The following GRHL2 variants were observed in gnomAD, a reference collection of about 807,000 sequenced individuals.
GRHL2 encodes the protein grainyhead-like protein 2 homolog.
In GRHL2, 21 loss-of-function variants were observed where a neutral mutation model predicts 83.8. The observed-to-expected ratio is 0.25, with a 90% CI of 0.18 to 0.36. GRHL2 has a LOEUF of 0.36. Among genes scored for constraint, GRHL2 ranks in the 10% least tolerant of loss-of-function variants. GRHL2 has a pLI of 1.00. For missense variants in GRHL2, 623 were observed against 781.8 expected (o/e 0.80, Z 2.42); for synonymous variants, 280 against 278.9 (o/e 1.00, Z -0.04).
At chr8:101,559,507 G>A (rs767254064) in intron 4 of GRHL2, among the ~76,000 whole-genome samples, 2 of 152,144 alleles carry the variant, frequency 1.3e-5, no homozygotes, top group Admixed American at 6.5e-5. Flanking sequence ...TCCAGCCTGG[G>A]TGACAAGAAC....
intron 5 of GRHL2, among the ~76,000 whole-genome samples, chr8:101,571,759 C>T (rs1318407247): frequency 6.6e-6 from 1 of 152,164 alleles, no homozygotes; most frequent in Non-Finnish European, 1.5e-5. Flanking sequence ...GCTCCCCACT[C>T]ATCCTCCCCA....
chr8:101,664,471 G>A lies in GRHL2; in HGVS notation c.1716G>A (p.Gly572=). 1 of 1,613,602 alleles carries A rather than the reference G, an allele frequency of 6.2e-7. No homozygotes were observed. Among genetic ancestry groups the A allele is most frequent in the Non-Finnish European group, 8.5e-7 (1 of 1,179,606 alleles). ...GLMEAISEKY[G]LPVEKIAKLY... ...TATTACAGATATCTGAGAAATATGG[G>A]CTGCCCGTGGAGAAGATAGCAAAGC... Residue 572 remains glycine, a synonymous_variant, in exon 15 of 16, where the codon GGG becomes GGA. Coordinates refer to ENST00000646743, the MANE Select transcript of GRHL2 (RefSeq NM_024915.4).
In GRHL2 at chr8:101,543,230, T is replaced by C. The variant is rs1211242979; in HGVS notation, c.21-11T>C. 6.2e-7 allele frequency: 1 copy of C among 1,611,548 alleles called. No individual in the cohort carries two copies. The highest frequency in any genetic ancestry group is 8.5e-7 in the Non-Finnish European group (1 of 1,177,738). ...CTGAAAATGAACCTCACATTTCTCT[T>C]GTTTTTACAGTAATAAAAGACTAGT... On this transcript the variant is annotated splice_polypyrimidine_tract_variant and intron_variant, in intron 1 of 15. Transcript: ENST00000646743.
intron 14 of GRHL2, among the ~76,000 whole-genome samples, chr8:101,654,212 G>A (rs975305878): frequency 6.6e-6 from 1 of 152,194 alleles, no homozygotes; most frequent in East Asian, 1.9e-4. Context: ...TATGCCTTGT[G>A]TGAGTCTTGC....
At chr8:101,629,056 A>C (rs1309957357) in intron 9 of GRHL2, among the ~76,000 whole-genome samples, 1 of 152,214 alleles carries the variant, frequency 6.6e-6, no homozygotes. Flanking sequence ...GGGAGGATTG[A>C]TTCCGATTTT....
Position 101,669,637 on chromosome 8 carries a change from AG to A in GRHL2, c.*2939del, listed in dbSNP as rs1202556139. The stretch of plus-strand genomic sequence containing the variant: ...AACTTAATAGTTTTGTAAATGGGAG[AG>A]GGGGAATCTATAAACTATAAATACA... On this transcript the variant is annotated 3_prime_UTR_variant, in exon 16 of 16. Transcript: ENST00000646743. The A allele has an allele frequency of 2.6e-5, 4 of 152,220 alleles. No individual in the cohort carries two copies. The highest frequency in any genetic ancestry group is 9.7e-5 in the African/African-American group (4 of 41,292). The allele number at this position is 152,220 out of a possible 1,614,324, so 9.4% of individuals were successfully genotyped here.
intron 9 of GRHL2, among the ~76,000 whole-genome samples, chr8:101,629,709 A>C (rs1355111168): frequency 6.6e-6 from 1 of 152,126 alleles, no homozygotes; most frequent in Non-Finnish European, 1.5e-5. Flanking sequence ...ACATAGAAAA[A>C]TGCCTTACAT....
intron 6 of GRHL2, 92 bp downstream of exon 6, chr8:101,573,916 A>T: frequency 7.2e-7 from 1 of 1,382,922 alleles, no homozygotes; most frequent in Non-Finnish European, 1.0e-6. Flanking sequence ...GAAAAAAAAT[A>T]AAACCTTCAA....
intron 3 of GRHL2, among the ~76,000 whole-genome samples, chr8:101,553,863 T>C (rs981583269): frequency 5.3e-5 from 8 of 152,086 alleles, no homozygotes; most frequent in African/African-American, 1.7e-4. Context: ...CCTGACCTTG[T>C]GATCTGCCCG....
Position 101,604,391 on chromosome 8 carries a change from T to C in GRHL2, c.1098+5240T>C, listed in dbSNP as rs541275024. Reference sequence around the variant, plus strand: ...AGCAAACCCTAATTACAGGCTTCCTTTCCTCCTAGATTTCTAAGGAGAGTC... The same window carrying C: ...AGCAAACCCTAATTACAGGCTTCCTCTCCTCCTAGATTTCTAAGGAGAGTC... On this transcript the variant is annotated intron_variant, in intron 8 of 15. Transcript: ENST00000646743. Among the ~76,000 whole-genome samples, 16 of 152,246 alleles carry C rather than the reference T, an allele frequency of 1.1e-4. No homozygotes were observed. The South Asian group carries it at 3.3e-3, about 32-fold the overall frequency.
intron 2 of GRHL2, among the ~76,000 whole-genome samples, chr8:101,551,623 A>AAAAGAAAG (rs534207443): frequency 1.7e-4 from 26 of 151,332 alleles, no homozygotes; most frequent in African/African-American, 6.1e-4. Context: ...AGAGCAAAAA[A>AAAAGAAAG]AAAGAAAGAA....
intron 7 of GRHL2, 63 bp downstream of exon 7, chr8:101,577,582 G>GCTCCCCTTGGCATT: frequency 5.4e-6 from 6 of 1,103,300 alleles, no homozygotes; most frequent in Non-Finnish European, 6.9e-6. Context: ...TCAATGCCAA[G>GCTCCCCTTGGCATT]GGGAGCCTGG....
At chr8:101,500,100 CAAG>C (rs1810193161) in intron 1 of GRHL2, among the ~76,000 whole-genome samples, 1 of 151,912 alleles carries the variant, frequency 6.6e-6, no homozygotes, top group Non-Finnish European at 1.5e-5. Flanking sequence ...ACCAACCAAA[CAAG>C]AAATAAAAAC....
rs745333423 is a variant in GRHL2, at chr8:101,567,247, C to G, written c.679-3092C>G. Among the ~76,000 whole-genome samples, 112 of 152,208 alleles carry G rather than the reference C, an allele frequency of 7.4e-4. 1 individual carries two copies. The highest frequency in any genetic ancestry group is 6.0e-4 in the Non-Finnish European group (41 of 68,000). ...ATCTATCAAGTATATGTTAGCATAC[C>G]TTCTTTACTATCATTTTTCTGAGTT... On this transcript the variant is annotated intron_variant, in intron 4 of 15. Transcript: ENST00000646743.
intron 9 of GRHL2, among the ~76,000 whole-genome samples, chr8:101,621,188 C>T (rs1434859415): frequency 6.6e-6 from 1 of 152,068 alleles, no homozygotes; most frequent in East Asian, 1.9e-4. Context: ...GAATCCCATA[C>T]AATGTTTCAT....
intron 9 of GRHL2, among the ~76,000 whole-genome samples, chr8:101,620,922 G>A (rs1812952325): frequency 1.3e-5 from 2 of 150,952 alleles, no homozygotes; most frequent in South Asian, 4.2e-4. Context: ...ACAAAATCCT[G>A]CTTTGGAGAA....
chr8:101,592,100 C>CTTTTTTTTTTTTTTTTTTTTTTTT (rs11382067), intron 7 of GRHL2, among the ~76,000 whole-genome samples: 4 of 90,300 alleles, frequency 4.4e-5, no homozygotes, highest in South Asian at 4.3e-4. Flanking sequence ...TCTTTCTTTT[C>CTTTTTTTTTTTTTTTTTTTTTTTT]TTTTTTTTTT....
chr8:101,531,888 C>T (rs117511140), intron 1 of GRHL2, among the ~76,000 whole-genome samples: 2,081 of 152,194 alleles, frequency 0.014, 25 homozygotes, highest in Non-Finnish European at 0.018. Flanking sequence ...GTATCTAAAA[C>T]GAAACCATCT....
intron 13 of GRHL2, among the ~76,000 whole-genome samples, chr8:101,647,508 G>A (rs2129684722): frequency 6.6e-6 from 1 of 152,140 alleles, no homozygotes; most frequent in African/African-American, 2.4e-5. Context: ...TTATCTGGAT[G>A]TAACTAAGGT....
Sources: gnomAD v4.1 joint callset for allele counts (sites outside exome capture counted in the v4.1 genomes callset) on GRCh38, gnomAD v4.1.1 for gene constraint, MANE v1.5 for transcripts, NCBI Gene and HGNC (gene_info 2026-07-23, HGNC 2026-07-21) for gene names.